Variants in MYO16 observed in about 807,000 individuals in gnomAD.
MYO16 encodes the protein unconventional myosin-XVI.
A neutral mutation model predicts 205.3 loss-of-function variants in MYO16; 94 were observed. That is an observed-to-expected ratio of 0.46 (90% CI 0.39 to 0.54). The LOEUF (loss-of-function observed/expected upper bound fraction) is 0.54, where lower values mean the gene tolerates loss of function less well. Ranked by LOEUF, MYO16 falls within the 20% of genes least tolerant of loss-of-function variation. The pLI is 0.00. For missense variants in MYO16, 2,315 were observed against 2,387.5 expected, an observed-to-expected ratio of 0.97 and a Z score of 0.63; for synonymous variants, 988 against 954.0, an observed-to-expected ratio of 1.04 and a Z score of -0.66.
intron 13 of MYO16, among the ~76,000 whole-genome samples, chr13:108,884,141 T>A (rs1463154468): frequency 6.6e-6 from 1 of 152,170 alleles, no homozygotes; most frequent in African/African-American, 2.4e-5. Context: ...ATAAGTACAG[T>A]AGCACACAAC....
chr13:108,839,209 C>T (rs419875), intron 9 of MYO16, among the ~76,000 whole-genome samples: 3,596 of 151,994 alleles, frequency 0.024, 139 homozygotes, highest in African/African-American at 0.079. Flanking sequence ...CCATCAGTCC[C>T]ACTCCCATTA....
chr13:108,540,130 C>G, the MYO16 span, among the ~76,000 whole-genome samples: 3 of 152,126 alleles, frequency 2.0e-5, no homozygotes, highest in Non-Finnish European at 4.4e-5. Flanking sequence ...TAGCTTCTCA[C>G]TTTTCTTGTG....
chr13:108,705,421 C>G (rs1461113376), intron 2 of MYO16, among the ~76,000 whole-genome samples: 1 of 152,116 alleles, frequency 6.6e-6, no homozygotes, highest in Non-Finnish European at 1.5e-5. Flanking sequence ...TTTATTATCT[C>G]TCATCATCAC....
chr13:108,999,564 G>A (rs1210100889), intron 21 of MYO16, among the ~76,000 whole-genome samples: 1 of 152,150 alleles, frequency 6.6e-6, no homozygotes, highest in Non-Finnish European at 1.5e-5. Context: ...TAGATAGCAT[G>A]ATTATTGGTC....
At chr13:108,940,382 A>G (rs1882673636) in intron 16 of MYO16, among the ~76,000 whole-genome samples, 1 of 151,434 alleles carries the variant, frequency 6.6e-6, no homozygotes, top group African/African-American at 2.4e-5. Flanking sequence ...GTGACAGGGA[A>G]CCTCCCTGGG....
In MYO16 at chr13:108,614,816, C is replaced by CA. The variant is rs1462273208; in HGVS notation, c.-39+18584dup. On this transcript the variant is annotated intron_variant, in intron 1 of 24. Transcript: ENST00000251041. Reference sequence around the variant, plus strand: ...ACTTCATACCATATACACAAATTAACAAAAAAATAGACCATGGAACTAAAT... The same window carrying CA: ...ACTTCATACCATATACACAAATTAACAAAAAAAATAGACCATGGAACTAAAT... Among the ~76,000 whole-genome samples, 4 of 122,542 alleles carry CA rather than the reference C, an allele frequency of 3.3e-5. No individual in the cohort carries two copies. The South Asian group carries it at 8.0e-4, about 24-fold the overall frequency. The allele number at this position is 122,542 out of a possible 152,430, so 80.4% of individuals were successfully genotyped here. A position where few individuals can be genotyped will look rare whatever the true frequency, so the allele number is the denominator to read the frequency against.
chr13:108,804,336 G>T (rs1887051089), intron 6 of MYO16, among the ~76,000 whole-genome samples: 1 of 152,172 alleles, frequency 6.6e-6, no homozygotes, highest in Non-Finnish European at 1.5e-5. Context: ...GTTCACAGCA[G>T]AAATGATAAC....
chr13:108,570,074 T>G, the MYO16 span, among the ~76,000 whole-genome samples: 31 of 152,152 alleles, frequency 2.0e-4, no homozygotes, highest in Non-Finnish European at 3.7e-4. Context: ...GTCATGGAAA[T>G]TATCTATACA....
chr13:108,664,687 A>G (rs1566537131), intron 1 of MYO16, among the ~76,000 whole-genome samples: 1 of 152,242 alleles, frequency 6.6e-6, no homozygotes, highest in African/African-American at 2.4e-5. Context: ...TTAAGAATAT[A>G]TAAACACATC....
chr13:108,585,439 A>G, the MYO16 span, among the ~76,000 whole-genome samples: 4,070 of 152,300 alleles, frequency 0.027, 173 homozygotes, highest in African/African-American at 0.091. Flanking sequence ...GGATTGTGGA[A>G]ACCAAGTTTT....
chr13:108,824,491 C>T lies in MYO16; in HGVS notation c.1097+1213C>T, dbSNP rs144535806. On this transcript the variant is annotated intron_variant, in intron 9 of 34. Coordinates refer to ENST00000457511, the MANE Select transcript of MYO16 (RefSeq NM_001198950.3). ...GTAGTGTTGTGGTTGCTGGAAAGAG[C>T]TTTGCCTTATGGCTAATATTTAGTT... Among the ~76,000 whole-genome samples, 678 of 152,104 alleles carry T rather than the reference C, an allele frequency of 4.5e-3. 4 individuals carry two copies. Among genetic ancestry groups the T allele is most frequent in the African/African-American group, 0.016 (653 of 41,548 alleles).
chr13:109,062,274 G>A (rs568077751), intron 27 of MYO16, among the ~76,000 whole-genome samples: 4 of 152,026 alleles, frequency 2.6e-5, no homozygotes, highest in African/African-American at 7.2e-5. Flanking sequence ...AATGAGGATC[G>A]TATCGTATTC....
At chr13:108,872,459 T>A (rs550745730) in intron 12 of MYO16, among the ~76,000 whole-genome samples, 58 of 152,040 alleles carry the variant, frequency 3.8e-4, no homozygotes, top group Non-Finnish European at 4.3e-4. Flanking sequence ...AGATAATACG[T>A]TGTATTTGCA....
At chr13:108,652,363 A>G (rs1445249264) in intron 1 of MYO16, among the ~76,000 whole-genome samples, 1 of 152,246 alleles carries the variant, frequency 6.6e-6, no homozygotes, top group Non-Finnish European at 1.5e-5. Flanking sequence ...TTAAAGCCCC[A>G]TAATCTAGCT....
At chr13:109,044,697 A>G (rs1268138660) in intron 23 of MYO16, among the ~76,000 whole-genome samples, 1 of 152,190 alleles carries the variant, frequency 6.6e-6, no homozygotes, top group Non-Finnish European at 1.5e-5. Flanking sequence ...TACCCACACT[A>G]TTTGTAACCC....
At chr13:109,152,379 T>C (rs1877721961) in intron 32 of MYO16, among the ~76,000 whole-genome samples, 1 of 152,194 alleles carries the variant, frequency 6.6e-6, no homozygotes, top group Non-Finnish European at 1.5e-5. Flanking sequence ...AGAGATCTGG[T>C]TGAATCACTT....
chr13:109,077,118 C>T (rs1888134868), intron 27 of MYO16, among the ~76,000 whole-genome samples: 1 of 151,802 alleles, frequency 6.6e-6, no homozygotes, highest in South Asian at 2.1e-4. Context: ...CTCCTGGGTG[C>T]AAATGATTCT....
the MYO16 span, among the ~76,000 whole-genome samples, chr13:108,587,617 T>C: frequency 6.6e-6 from 1 of 152,200 alleles, no homozygotes; most frequent in Non-Finnish European, 1.5e-5. Context: ...TGAAAGAGTA[T>C]AGGATGAAGT....
At chr13:108,592,518 AT>A (rs1201895540), upstream of MYO16, among the ~76,000 whole-genome samples, 1 of 49,528 alleles carries the variant, frequency 2.0e-5, no homozygotes, top group African/African-American at 8.3e-5. Flanking sequence ...TGGGGGTTGT[AT>A]AGGGGATGGT....
Sources: allele counts gnomAD v4.1 joint callset (sites outside exome capture counted in the v4.1 genomes callset), GRCh38; gene constraint gnomAD v4.1.1; transcripts MANE v1.5; gene names NCBI Gene and HGNC (gene_info 2026-07-23, HGNC 2026-07-21).